Variants in CASZ1 observed in about 807,000 individuals in gnomAD.
The protein encoded by CASZ1 is zinc finger protein castor homolog 1.
CASZ1 carries 28 observed loss-of-function variants against 135.2 expected under a neutral mutation model. That is an observed-to-expected ratio of 0.21 (90% CI 0.15 to 0.28). The LOEUF is 0.28. Ranked by LOEUF, CASZ1 falls within the 10% of genes least tolerant of loss-of-function variation. CASZ1 has a pLI of 1.00. For missense variants in CASZ1, 2,161 were observed against 2,453.3 expected (o/e 0.88, Z 2.52); for synonymous variants, 1,068 against 1,073.4 (o/e 0.99, Z 0.10).
chr1:10,793,723 C>CGGGGGGGGGGGGGG (rs1437706574), intron 1 of CASZ1, among the ~76,000 whole-genome samples: 1 of 29,922 alleles, frequency 3.3e-5, no homozygotes, highest in Non-Finnish European at 6.7e-5. Flanking sequence ...GGGTGGGTGG[C>CGGGGGGGGGGGGGG]GGGGGGGCGG....
chr1:10,682,459 A>G (rs1638456563), intron 4 of CASZ1, among the ~76,000 whole-genome samples: 2 of 152,172 alleles, frequency 1.3e-5, no homozygotes, highest in Non-Finnish European at 2.9e-5. Flanking sequence ...CCAGTGGGGC[A>G]GTGGATACCG....
At position 10,725,734 on chromosome 1, in the gene CASZ1, A is replaced by C. The variant is rs1449405387; in HGVS notation, c.-76-20190T>G. Among the ~76,000 whole-genome samples the C allele has an allele frequency of 6.8e-6, 1 of 147,702 alleles. No homozygotes were observed. The highest frequency in any genetic ancestry group is 2.0e-4 in the East Asian group (1 of 5,006). Reference sequence around the variant, plus strand: ...GGAAAGCCCTTTTTTTTTTTTTACTAGGAGACCCCAGAGAGGATGATCCTG... The same window carrying C: ...GGAAAGCCCTTTTTTTTTTTTTACTCGGAGACCCCAGAGAGGATGATCCTG... On this transcript the variant is annotated intron_variant, in intron 2 of 20. Transcript: ENST00000377022. This position sits in a 1 kb window ranked among gnomAD's most constrained non-coding sequence, Gnocchi z 4.4.
In CASZ1 at chr1:10,757,191, C is replaced by T. The variant is rs1640275682; in HGVS notation, c.-77+3510G>A. On this transcript the variant is annotated intron_variant, in intron 2 of 20. Coordinates refer to ENST00000377022, the MANE Select transcript of CASZ1 (RefSeq NM_001079843.3). This position sits in a 1 kb window ranked among gnomAD's most constrained non-coding sequence, Gnocchi z 4.6. The stretch of plus-strand genomic sequence containing the variant: ...CTAATGCATGAGACGTTAACCCTCT[C>T]AAAGCCATGGGTCTTTCTTGGTACT... Among the ~76,000 whole-genome samples, 1 of 152,188 alleles carries T rather than the reference C, an allele frequency of 6.6e-6. No homozygotes were observed. The highest frequency in any genetic ancestry group is 2.4e-5 in the African/African-American group (1 of 41,436).
chr1:10,700,078 G>GACACACACACACACACACACACAC lies in CASZ1; in HGVS notation c.-24+5413_-24+5414insGTGTGTGTGTGTGTGTGTGTGTGT, dbSNP rs1443024550. Among the ~76,000 whole-genome samples the GACACACACACACACACACACACAC allele has an allele frequency of 3.0e-3, 221 of 74,130 alleles. No homozygotes were observed. The highest frequency in any genetic ancestry group is 0.013 in the African/African-American group (215 of 17,152). The allele number at this position is 74,130 out of a possible 152,430, so 48.6% of individuals were successfully genotyped here. A position where few individuals can be genotyped will look rare whatever the true frequency, so the allele number is the denominator to read the frequency against. Reference sequence around the variant, plus strand: ...AGAGACAGAGAGAGAAAGAGAGATAGAGACACACACACACACACACACACA... The same window carrying GACACACACACACACACACACACAC: ...AGAGACAGAGAGAGAAAGAGAGATAGACACACACACACACACACACACACAGACACACACACACACACACACACA... On this transcript the variant is annotated intron_variant, in intron 3 of 20. Transcript: ENST00000377022. This position sits in a 1 kb window ranked among gnomAD's most constrained non-coding sequence, Gnocchi z 4.2.
chr1:10,650,349 C>G (rs941648783), intron 13 of CASZ1: 2 of 154,226 alleles, frequency 1.3e-5, no homozygotes, highest in African/African-American at 4.8e-5. Flanking sequence ...CTCCCCCATC[C>G]CCTTTTAAAC....
chr1:10,705,056 G>A (rs1191526154), intron 3 of CASZ1, among the ~76,000 whole-genome samples: 1 of 152,240 alleles, frequency 6.6e-6, no homozygotes, highest in African/African-American at 2.4e-5. Flanking sequence ...GCAGGACTGG[G>A]GTTCTGGGGC....
rs981263064 is a variant in CASZ1 at position 10,707,400 on chromosome 1, C to T, written c.-76-1856G>A. Among the ~76,000 whole-genome samples the T allele has an allele frequency of 7.9e-5, 12 of 152,172 alleles. No individual in the cohort carries two copies. The highest frequency in any genetic ancestry group is 2.7e-4 in the African/African-American group (11 of 41,428). ...CTGACAACAAGGGAGCGCGGGAGAC[C>T]GGAGCGCTGAACCCAAATCCCTCAG... On this transcript the variant is annotated intron_variant, in intron 2 of 20. Coordinates refer to ENST00000377022, the MANE Select transcript of CASZ1 (RefSeq NM_001079843.3). The surrounding 1 kb of genome is among the most constrained non-coding windows in gnomAD (Gnocchi z 5.0).
chr1:10,763,816 T>C (rs6540949), intron 1 of CASZ1, among the ~76,000 whole-genome samples: 99,236 of 152,148 alleles, frequency 0.65, 34,988 homozygotes, highest in Non-Finnish European at 0.81. Context: ...TCAGATGAGC[T>C]CCGTGCAGCT....
intron 2 of CASZ1, among the ~76,000 whole-genome samples, chr1:10,734,664 A>G (rs189802963): frequency 1.7e-3 from 261 of 152,304 alleles, no homozygotes; most frequent in African/African-American, 6.1e-3. Flanking sequence ...TAAAGAAAAA[A>G]AGAGAGAGAG....
At chr1:10,696,280 AC>A (rs1377663195) in intron 3 of CASZ1, among the ~76,000 whole-genome samples, 1 of 152,086 alleles carries the variant, frequency 6.6e-6, no homozygotes, top group Non-Finnish European at 1.5e-5. Flanking sequence ...TGGCCGTCAC[AC>A]AGCCTCATTG....
At chr1:10,712,102 T>G (rs1326426142) in intron 2 of CASZ1, among the ~76,000 whole-genome samples, 1 of 152,188 alleles carries the variant, frequency 6.6e-6, no homozygotes, top group Non-Finnish European at 1.5e-5. Flanking sequence ...TCCCAGCACT[T>G]CGGGAGACCA....
At chr1:10,649,924 G>GCGGC (rs1357425410) in intron 13 of CASZ1, 6 of 152,850 alleles carry the variant, frequency 3.9e-5, no homozygotes, top group East Asian at 3.9e-4. Context: ...GCTTGCTGCA[G>GCGGC]CGGCCGGGAG....
chr1:10,692,557 G>C (rs748205258), intron 4 of CASZ1, among the ~76,000 whole-genome samples: 2 of 152,284 alleles, frequency 1.3e-5, no homozygotes, highest in South Asian at 4.1e-4. Flanking sequence ...TGCCCAGCAG[G>C]GGGTGTCACA....
rs60698630 is a variant in CASZ1 at position 10,759,286 on chromosome 1, C to T, written c.-77+1415G>A. Reference sequence around the variant, plus strand: ...GAAGCAGAGTCTGTTAAGAATAGCCCGGGAAGGTGGCAGAGGTGCAGGTGC... The same window carrying T: ...GAAGCAGAGTCTGTTAAGAATAGCCTGGGAAGGTGGCAGAGGTGCAGGTGC... On this transcript the variant is annotated intron_variant, in intron 2 of 20. Transcript: ENST00000377022. The surrounding 1 kb of genome is among the most constrained non-coding windows in gnomAD (Gnocchi z 4.2). Among the ~76,000 whole-genome samples, 4 of 152,080 alleles carry T rather than the reference C, an allele frequency of 2.6e-5. No homozygotes were observed. The highest frequency in any genetic ancestry group is 1.3e-4 in the Admixed American group (2 of 15,264).
In CASZ1 at chr1:10,775,602, C is replaced by T. The variant is rs558665126; in HGVS notation, c.-233-14745G>A. On this transcript the variant is annotated intron_variant, in intron 1 of 20. Transcript: ENST00000377022. ...GGCTCAAAGTCTCTCCTCCATGCTC[C>T]GATGATCTCTTCAATCTTCAGCCCC... Among the ~76,000 whole-genome samples the T allele has an allele frequency of 4.6e-5, 7 of 152,230 alleles. No homozygotes were observed. The East Asian group carries it at 5.8e-4, about 13-fold the overall frequency.
At chr1:10,693,497 CAA>C (rs1172496673) in intron 4 of CASZ1, among the ~76,000 whole-genome samples, 777 of 23,076 alleles carry the variant, frequency 0.034, 2 homozygotes, top group African/African-American at 0.04. Flanking sequence ...TTGCAGAGAA[CAA>C]AAAAAAAAAA....
chr1:10,735,869 C>T lies in CASZ1; in HGVS notation c.-77+24832G>A, dbSNP rs111974922. Among the ~76,000 whole-genome samples the T allele has an allele frequency of 1.2e-4, 18 of 152,246 alleles. No individual in the cohort carries two copies. The highest frequency in any genetic ancestry group is 4.2e-4 in the South Asian group (2 of 4,818). On this transcript the variant is annotated intron_variant, in intron 2 of 20. Transcript: ENST00000377022. The surrounding 1 kb of genome is among the most constrained non-coding windows in gnomAD (Gnocchi z 5.1). The stretch of plus-strand genomic sequence containing the variant: ...GGCAGTGGCTTAGGATCAGGGGCAG[C>T]CCCAGGCACATCAGGTTGAAAATGT...
rs1641035698 is a variant in CASZ1, at chr1:10,794,929, C to A, written c.-234+1635G>T. Reference sequence around the variant, plus strand: ...CCAGCCCCCGCCAGCGGCCCCAGCGCGCCTCTGCCCGCACCTCGCCACCCC... The same window carrying A: ...CCAGCCCCCGCCAGCGGCCCCAGCGAGCCTCTGCCCGCACCTCGCCACCCC... On this transcript the variant is annotated intron_variant, in intron 1 of 20. Transcript: ENST00000377022. This position sits in a 1 kb window ranked among gnomAD's most constrained non-coding sequence, Gnocchi z 5.6. Among the ~76,000 whole-genome samples, 1 of 150,984 alleles carries A rather than the reference C, an allele frequency of 6.6e-6. No homozygotes were observed. Among genetic ancestry groups the A allele is most frequent in the Non-Finnish European group, 1.5e-5 (1 of 67,664 alleles).
intron 3 of CASZ1, among the ~76,000 whole-genome samples, chr1:10,695,572 TCCCCGCCACCCCCCCCCC>T (rs1381269578): frequency 1.1e-4 from 2 of 17,890 alleles, no homozygotes; most frequent in Admixed American, 1.1e-3. Context: ...CCTCCTCCCC[TCCCCGCCACCCCCCCCCC>T]CCCCGCCCCA....
Sources: allele counts gnomAD v4.1 joint callset (sites outside exome capture counted in the v4.1 genomes callset), GRCh38; gene constraint gnomAD v4.1.1; non-coding constraint Gnocchi (gnomAD v3.1); transcripts MANE v1.5; gene names NCBI Gene and HGNC (gene_info 2026-07-23, HGNC 2026-07-21).